The following KRTDAP variants were observed in gnomAD, a reference collection of about 807,000 sequenced individuals.
The protein encoded by KRTDAP is keratinocyte differentiation-associated protein.
Under a neutral mutation model 18.6 loss-of-function variants are expected in KRTDAP, and 14 were observed. The observed-to-expected ratio is 0.75, with a 90% CI of 0.50 to 1.18. The LOEUF is 1.18. KRTDAP is among the 50% of genes most tolerant of loss of function. The pLI is 0.00. For synonymous variants in KRTDAP, 53 were observed against 49.5 expected, an observed-to-expected ratio of 1.07 and a Z score of -0.29; for missense variants, 114 against 121.3, an observed-to-expected ratio of 0.94 and a Z score of 0.28.
rs370010385 is a variant in KRTDAP at position 35,487,591 on chromosome 19, C to A, written c.261+121G>T. 3 of 1,154,672 alleles carry A rather than the reference C, an allele frequency of 2.6e-6. No individual in the cohort carries two copies. In the East Asian group the frequency reaches 7.0e-5, roughly 27 times the overall value. 71.5% of individuals were successfully genotyped at this position (1,154,672 alleles called of 1,614,324 possible). ...TCTCCTCTATATGTAGTAGCTAAGACCTCCCTTCAGTTTGGTGAGAAGGCT... is the reference window on the plus strand; with the variant it reads ...TCTCCTCTATATGTAGTAGCTAAGAACTCCCTTCAGTTTGGTGAGAAGGCT... On this transcript the variant is annotated intron_variant, in intron 5 of 5. Coordinates refer to ENST00000338897, the MANE Select transcript of KRTDAP (RefSeq NM_207392.3).
intron 4 of KRTDAP, 98 bp downstream of exon 4, chr19:35,488,343 T>C: frequency 8.0e-7 from 1 of 1,256,614 alleles, no homozygotes; most frequent in Admixed American, 2.0e-5. Flanking sequence ...CTCCCAGAGA[T>C]CAGGAACCAA....
Position 35,488,854 on chromosome 19 carries a change from G to C in KRTDAP, c.88-14C>G. 1 of 1,613,616 alleles carries C rather than the reference G, an allele frequency of 6.2e-7. No individual in the cohort carries two copies. Among genetic ancestry groups the C allele is most frequent in the Non-Finnish European group, 8.5e-7 (1 of 1,179,912 alleles). On this transcript the variant is annotated splice_polypyrimidine_tract_variant and intron_variant, in intron 1 of 5. Coordinates refer to ENST00000338897, the MANE Select transcript of KRTDAP (RefSeq NM_207392.3). Reference sequence around the variant, plus strand: ...GGTGCTTTCTTCCTGGAAAAGGAGAGGGAGAAAAGGCGGCAGGGGGTCACG... The same window carrying C: ...GGTGCTTTCTTCCTGGAAAAGGAGACGGAGAAAAGGCGGCAGGGGGTCACG...
At position 35,487,481 on chromosome 19, in the gene KRTDAP, G is replaced by A. The variant is rs551724000; in HGVS notation, c.262-15C>T. On this transcript the variant is annotated splice_polypyrimidine_tract_variant and intron_variant, in intron 5 of 5. Coordinates refer to ENST00000338897, the MANE Select transcript of KRTDAP (RefSeq NM_207392.3). ...AGTCCTTTCAGCTAGAGGGAGAGGG[G>A]TCAGGGTTAGATGGGGAACCCGTGG... The A allele has an allele frequency of 6.2e-7, 1 of 1,613,264 alleles. No individual in the cohort carries two copies. Among genetic ancestry groups the A allele is most frequent in the East Asian group, 2.2e-5 (1 of 44,888 alleles).
At chr19:35,488,410 C>T (rs751444079) in intron 4 of KRTDAP, 31 bp downstream of exon 4, 5 of 1,608,582 alleles carry the variant, frequency 3.1e-6, no homozygotes, top group Non-Finnish European at 4.2e-6. Flanking sequence ...TGCAGACAAC[C>T]GAGGAGGGCA....
intron 1 of KRTDAP, 44 bp downstream of exon 1, chr19:35,490,312 G>T: frequency 8.0e-7 from 1 of 1,246,458 alleles, no homozygotes. Flanking sequence ...GGAGGGGTAG[G>T]TGGGTAACAC....
chr19:35,488,485 C>T lies in KRTDAP; in HGVS notation c.169G>A (p.Ala57Thr), dbSNP rs1296490054. 3.1e-6 allele frequency: 5 copies of T among 1,613,612 alleles called. No homozygotes were observed. The highest frequency in any genetic ancestry group is 3.4e-6 in the Non-Finnish European group (4 of 1,179,876). Residue 57 changes from alanine (A) to threonine (T), a missense_variant and splice_region_variant, in exon 4 of 6, where the codon GCG becomes ACG. Transcript: ENST00000338897. ...TTCAGGAACTCATCAGCCTTAAACGCCTGAGGAGGAAGAGAGACAGCAGAA... is the reference window on the plus strand; with the variant it reads ...TTCAGGAACTCATCAGCCTTAAACGTCTGAGGAGGAAGAGAGACAGCAGAA... ...PFLNIDKLRS[A>T]FKADEFLNWH... is the part of the protein sequence containing the mutation.
chr19:35,487,621 C>T lies in KRTDAP; in HGVS notation c.261+91G>A, dbSNP rs796274704. On this transcript the variant is annotated intron_variant, in intron 5 of 5. Coordinates refer to ENST00000338897, the MANE Select transcript of KRTDAP (RefSeq NM_207392.3). ...CTTCAGTTTGGTGAGAAGGCTGATC[C>T]TCCTTTCCCTGTCCCCACTCTCTCT... is the stretch of plus-strand genomic sequence containing the variant. The T allele has an allele frequency of 1.4e-5, 17 of 1,249,400 alleles. No individual in the cohort carries two copies. The African/African-American group carries it at 2.2e-4, about 16-fold the overall frequency. The allele number at this position is 1,249,400 out of a possible 1,614,324, so 77.4% of individuals were successfully genotyped here.
chr19:35,487,534 A>G (rs1599754828), intron 5 of KRTDAP, 68 bp from the exon 6 acceptor site: 6 of 1,428,376 alleles, frequency 4.2e-6, no homozygotes, highest in Non-Finnish European at 4.9e-6. Flanking sequence ...GCATGGATGG[A>G]AAGGAATTTC....
rs1245201897 is a variant in KRTDAP, at chr19:35,490,343, G to A, written c.87+13C>T. 1.9e-6 allele frequency: 3 copies of A among 1,569,148 alleles called. No individual in the cohort carries two copies. The African/African-American group carries it at 4.1e-5, about 21-fold the overall frequency. On this transcript the variant is annotated intron_variant, in intron 1 of 5. Coordinates refer to ENST00000338897, the MANE Select transcript of KRTDAP (RefSeq NM_207392.3). ...AACACGTATAAGAATAAAAATGCAGGTGACGTGCTCACCTCAGGACCACCC... is the reference window on the plus strand; with the variant it reads ...AACACGTATAAGAATAAAAATGCAGATGACGTGCTCACCTCAGGACCACCC...
At chr19:35,488,952 C>G in intron 1 of KRTDAP, 112 bp from the exon 2 acceptor site, 2 of 984,596 alleles carry the variant, frequency 2.0e-6, no homozygotes, top group Non-Finnish European at 3.1e-6. Context: ...CCCGAAAGAA[C>G]GCAACCCATT....
intron 1 of KRTDAP, 70 bp downstream of exon 1, chr19:35,490,286 C>G (rs2067514882): frequency 1.1e-6 from 1 of 930,860 alleles, no homozygotes; most frequent in Non-Finnish European, 1.6e-6. Flanking sequence ...CAGGAATGGA[C>G]AGGAGGTAGA....
At chr19:35,487,863 A>C in intron 4 of KRTDAP, 104 bp from the exon 5 acceptor site, 1 of 748,542 alleles carries the variant, frequency 1.3e-6, no homozygotes, top group Non-Finnish European at 2.4e-6. Flanking sequence ...AGTAACAATA[A>C]TGTCATTATT....
intron 3 of KRTDAP, 60 bp from the exon 4 acceptor site, chr19:35,488,545 C>T: frequency 6.2e-7 from 1 of 1,605,560 alleles, no homozygotes; most frequent in East Asian, 2.2e-5. Flanking sequence ...GAGCTTAGCC[C>T]CCAGCCCTCT....
chr19:35,487,569 C>T, intron 5 of KRTDAP, 103 bp from the exon 6 acceptor site: 2 of 1,205,794 alleles, frequency 1.7e-6, no homozygotes, highest in Non-Finnish European at 2.5e-6. Context: ...TTCCCGTTCT[C>T]CTCTATATGT....
rs149860356 is a variant in KRTDAP, at chr19:35,487,725, T to C, written c.248A>G (p.Asp83Gly). The change falls in exon 5 of 6, where the codon GAT becomes GGT. Residue 83 changes from aspartate (D) to glycine (G), a missense_variant. Transcript: ENST00000338897. ...CACACCTCTTACCTTAGGAAAGGCA[T>C]CCCAGTTGAGGAAAGGAAGTTTCCT... Reference protein sequence around the residue: ...IKRKLPFLNWDAFPKLKGLRS... With the variant: ...IKRKLPFLNWGAFPKLKGLRS... 6.2e-7 allele frequency: 1 copy of C among 1,613,184 alleles called. No homozygotes were observed. Among genetic ancestry groups the C allele is most frequent in the African/African-American group, 1.3e-5 (1 of 74,920 alleles).
At position 35,487,729 on chromosome 19, in the gene KRTDAP, A is replaced by G. The variant is rs2067499210; in HGVS notation, c.244T>C (p.Trp82Arg). The change falls in exon 5 of 6, where the codon TGG becomes CGG. Residue 82 changes from tryptophan (W) to arginine (R), a missense_variant. Transcript: ENST00000338897. ...CCTCTTACCTTAGGAAAGGCATCCC[A>G]GTTGAGGAAAGGAAGTTTCCTTTTG... The part of the protein sequence containing the change: ...SIKRKLPFLN[W>R]DAFPKLKGLR... 1.9e-6 allele frequency: 3 copies of G among 1,613,360 alleles called. No homozygotes were observed. The highest frequency in any genetic ancestry group is 2.5e-6 in the Non-Finnish European group (3 of 1,179,346).
At chr19:35,488,332 C>T in intron 4 of KRTDAP, 109 bp downstream of exon 4, 1 of 1,128,496 alleles carries the variant, frequency 8.9e-7, no homozygotes, top group Non-Finnish European at 1.3e-6. Flanking sequence ...ACAGTCACTC[C>T]CTCCCAGAGA....
intron 1 of KRTDAP, 44 bp downstream of exon 1, chr19:35,490,312 G>A (rs1453627851): frequency 1.6e-6 from 2 of 1,246,458 alleles, no homozygotes; most frequent in East Asian, 2.4e-5. Context: ...GGAGGGGTAG[G>A]TGGGTAACAC....
intron 1 of KRTDAP, among the ~76,000 whole-genome samples, chr19:35,489,431 T>A (rs1282541583): frequency 6.6e-6 from 1 of 152,186 alleles, no homozygotes; most frequent in Non-Finnish European, 1.5e-5. Flanking sequence ...AATTTGGTCA[T>A]TTGTTTTTTG....
Sources: allele counts gnomAD v4.1 joint callset (sites outside exome capture counted in the v4.1 genomes callset), GRCh38; gene constraint gnomAD v4.1.1; transcripts MANE v1.5; gene names NCBI Gene and HGNC (gene_info 2026-07-23, HGNC 2026-07-21).